LIAS: variants seen among roughly 807,000 people sequenced by gnomAD.
LIAS encodes lipoyl synthase, mitochondrial.
A neutral mutation model predicts 49.4 loss-of-function variants in LIAS; 36 were observed. The observed-to-expected ratio is 0.73, with a 90% CI of 0.56 to 0.96. LIAS has a LOEUF of 0.96. LIAS is among the 40% of genes least tolerant of loss of function. The pLI is 0.00. For synonymous variants in LIAS, 145 were observed against 155.8 expected, an observed-to-expected ratio of 0.93 and a Z score of 0.52; for missense variants, 399 against 456.3, an observed-to-expected ratio of 0.87 and a Z score of 1.14.
intron 3 of LIAS, 99 bp from the exon 4 acceptor site, chr4:39,463,426 G>A: frequency 7.2e-7 from 1 of 1,390,242 alleles, no homozygotes; most frequent in South Asian, 1.8e-5. Context: ...AAAATATGTT[G>A]TAAACAATGA....
chr4:39,464,335 CA>C (rs71192867), intron 4 of LIAS: 26,586 of 117,468 alleles, frequency 0.23, 2,500 homozygotes, highest in African/African-American at 0.31. Context: ...GACCCTGTTT[CA>C]AAAAAAAAAA....
chr4:39,473,016 G>A, intron 9 of LIAS, 84 bp from the exon 10 acceptor site: 2 of 766,418 alleles, frequency 2.6e-6, no homozygotes, highest in Non-Finnish European at 4.4e-6. Context: ...GCAGTGAAGA[G>A]CATTCTGCAT....
Position 39,459,087 on chromosome 4 carries a change from ACCC to A in LIAS, c.-29_-27del. On this transcript the variant is annotated 5_prime_UTR_variant, in exon 1 of 11. Coordinates refer to ENST00000640888, the MANE Select transcript of LIAS (RefSeq NM_006859.4). ...TTTCCCGGGAGTTAGCGATCCCTCA[ACCC>A]CTGCACTGCGCTAGTCCTAAAGAGG... 6.2e-7 allele frequency: 1 copy of A among 1,613,582 alleles called. No homozygotes were observed. The highest frequency in any genetic ancestry group is 8.5e-7 in the Non-Finnish European group (1 of 1,179,664).
intron 7 of LIAS, chr4:39,468,069 A>G (rs1465057783): frequency 6.6e-6 from 1 of 152,128 alleles, no homozygotes; most frequent in Non-Finnish European, 1.5e-5. Flanking sequence ...AAATAATATC[A>G]TACTGCAAAT....
At chr4:39,459,228 G>A in intron 1 of LIAS, 66 bp downstream of exon 1, 2 of 1,451,516 alleles carry the variant, frequency 1.4e-6, no homozygotes, top group African/African-American at 1.4e-5. Flanking sequence ...GAGCGCCCAT[G>A]CCCAATAATA....
intron 10 of LIAS, chr4:39,476,469 G>A (rs763213189): frequency 6.6e-6 from 1 of 152,348 alleles, no homozygotes; most frequent in Non-Finnish European, 1.5e-5. Context: ...CATGCTGTAA[G>A]AGCAATAGAC....
Position 39,463,562 on chromosome 4 carries a change from G to T in LIAS, c.350G>T (p.Cys117Phe). Residue 117 changes from cysteine to phenylalanine, a missense_variant, in exon 4 of 11, where the codon TGT becomes TTT. Transcript: ENST00000640888. The part of the protein sequence containing the change: ...EEARCPNIGE[C>F]WGGGEYATAT... ...GCTCGATGTCCCAATATTGGAGAGT[G>T]TTGGGGAGGTGGAGAATATGCCACC... 1 of 1,612,910 alleles carries T rather than the reference G, an allele frequency of 6.2e-7. No homozygotes were observed. The highest frequency in any genetic ancestry group is 8.5e-7 in the Non-Finnish European group (1 of 1,179,274).
intron 3 of LIAS, 29 bp from the exon 4 acceptor site, chr4:39,463,496 A>G: frequency 3.2e-6 from 5 of 1,572,072 alleles, no homozygotes; most frequent in Non-Finnish European, 3.5e-6. Flanking sequence ...TTGTCAACCT[A>G]ATGGTGTTCC....
rs1744807101 is a variant in LIAS, at chr4:39,467,562, G to A, written c.653G>A (p.Gly218Asp). The stretch of plus-strand genomic sequence containing the variant: ...GAGTGTCTTACTCCTGATTTTCGAG[G>A]TGATCTCAAAGCAATAGAAAAAGTT... ...LVECLTPDFRGDLKAIEKVAL... is the reference protein window; with the variant it reads ...LVECLTPDFRDDLKAIEKVAL... The change falls in exon 7 of 11, where the codon GGT becomes GAT. Residue 218 changes from glycine to aspartate, a missense_variant. Coordinates refer to ENST00000640888, the MANE Select transcript of LIAS (RefSeq NM_006859.4). The A allele has an allele frequency of 1.2e-6, 2 of 1,607,580 alleles. No homozygotes were observed. Among genetic ancestry groups the A allele is most frequent in the Non-Finnish European group, 1.7e-6 (2 of 1,176,906 alleles).
Position 39,470,027 on chromosome 4 carries a change from G to A in LIAS, c.746G>A (p.Arg249His), listed in dbSNP as rs144133667. Residue 249 changes from arginine (R) to histidine (H), a missense_variant, in exon 8 of 11, where the codon CGT (arginine) becomes CAT (histidine). This residue lies in a region of LIAS where 234 missense variants were observed against 292.2 expected (regional missense o/e 0.80). Coordinates refer to ENST00000640888, the MANE Select transcript of LIAS (RefSeq NM_006859.4). ...GTCCTGCTGTTTTCCAGTAAGGTTC[G>A]TGATCCTCGGGCCAATTTTGATCAG... is the stretch of plus-strand genomic sequence containing the variant. Reference protein sequence around the residue: ...ETVPELQSKVRDPRANFDQSL... With the variant: ...ETVPELQSKVHDPRANFDQSL... The A allele has an allele frequency of 1.7e-5, 27 of 1,607,104 alleles. No individual in the cohort carries two copies. Among genetic ancestry groups the A allele is most frequent in the East Asian group, 2.2e-5 (1 of 44,756 alleles).
chr4:39,475,395 A>AAATT (rs1419259731), intron 10 of LIAS: 1 of 148,200 alleles, frequency 6.7e-6, no homozygotes, highest in Non-Finnish European at 1.5e-5. Flanking sequence ...ATAAATAAAT[A>AAATT]AGTAAATAAA....
intron 7 of LIAS, chr4:39,468,517 A>ATT (rs1345576338): frequency 1.1e-4 from 15 of 138,366 alleles, no homozygotes; most frequent in Non-Finnish European, 2.1e-4. Flanking sequence ...ATATATATAT[A>ATT]TATATTTTTT....
intron 10 of LIAS, chr4:39,475,267 G>A (rs1310026686): frequency 1.3e-5 from 2 of 152,174 alleles, no homozygotes; most frequent in East Asian, 1.9e-4. Context: ...TGTAGTCCCA[G>A]CTACTTGGGA....
chr4:39,472,971 G>A, intron 9 of LIAS, 129 bp from the exon 10 acceptor site: 1 of 602,394 alleles, frequency 1.7e-6, no homozygotes, highest in Non-Finnish European at 2.9e-6. Flanking sequence ...GGAGGGAGAG[G>A]ACAAAAGCCT....
intron 7 of LIAS, chr4:39,468,545 T>C (rs527323211): frequency 2.1e-5 from 3 of 143,914 alleles, no homozygotes; most frequent in Non-Finnish European, 4.5e-5. Flanking sequence ...TATATATTCA[T>C]ATATATTTAT....
At chr4:39,469,006 AAAGT>A (rs1479060850) in intron 7 of LIAS, 2 of 152,196 alleles carry the variant, frequency 1.3e-5, no homozygotes, top group African/African-American at 4.8e-5. Context: ...TGTAAGAAAA[AAAGT>A]AAGGATTGTT....
chr4:39,459,089 C>G lies in LIAS; in HGVS notation c.-29C>G, dbSNP rs368281946. ...TCCCGGGAGTTAGCGATCCCTCAACCCCTGCACTGCGCTAGTCCTAAAGAG... is the reference window on the plus strand; with the variant it reads ...TCCCGGGAGTTAGCGATCCCTCAACGCCTGCACTGCGCTAGTCCTAAAGAG... On this transcript the variant is annotated 5_prime_UTR_variant, in exon 1 of 11. Coordinates refer to ENST00000640888, the MANE Select transcript of LIAS (RefSeq NM_006859.4). 1.9e-6 allele frequency: 3 copies of G among 1,613,858 alleles called. No individual in the cohort carries two copies. The highest frequency in any genetic ancestry group is 1.3e-5 in the African/African-American group (1 of 75,032).
intron 3 of LIAS, 85 bp downstream of exon 3, chr4:39,462,374 A>T: frequency 2.3e-6 from 1 of 427,292 alleles, no homozygotes; most frequent in Admixed American, 4.6e-5. Context: ...TAATAAATAT[A>T]TAAATAATAG....
chr4:39,471,209 A>G (rs906374045), intron 8 of LIAS, 27 bp from the exon 9 acceptor site: 13 of 1,544,388 alleles, frequency 8.4e-6, no homozygotes, highest in Non-Finnish European at 8.9e-7. Context: ...GTATTTGCTA[A>G]TGTAATTTGT....
Sources: gnomAD v4.1 joint callset for allele counts on GRCh38, gnomAD v4.1.1 for gene constraint, gnomAD v4.1.1 regional missense constraint, MANE v1.5 for transcripts, NCBI Gene and HGNC (gene_info 2026-07-23, HGNC 2026-07-21) for gene names.